The following ARID4A variants were observed in gnomAD, a reference collection of about 807,000 sequenced individuals.
ARID4A encodes the protein AT-rich interaction domain 4A.
Under a neutral mutation model 148.6 loss-of-function variants are expected in ARID4A, and 39 were observed. The ratio of observed to expected loss-of-function variants is 0.26; its 90% CI spans 0.20 to 0.34. ARID4A has a LOEUF of 0.34. Among genes scored for constraint, ARID4A ranks in the 10% least tolerant of loss-of-function variants. The probability of loss-of-function intolerance (pLI) is 1.00; values close to 1 mark genes in which losing one functional copy is unlikely to be tolerated. For synonymous variants in ARID4A, 475 were observed against 481.2 expected, an observed-to-expected ratio of 0.99 and a Z score of 0.17; for missense variants, 1,265 against 1,449.1, an observed-to-expected ratio of 0.87 and a Z score of 2.06.
At chr14:58,320,701 G>C (rs559523981) in intron 7 of ARID4A, among the ~76,000 whole-genome samples, 1 of 150,654 alleles carries the variant, frequency 6.6e-6, no homozygotes, top group Non-Finnish European at 1.5e-5. Flanking sequence ...TCCACCTCCT[G>C]GGTTCTTGCC....
At position 58,321,730 on chromosome 14, in the gene ARID4A, G is replaced by A. The variant is rs74606862; in HGVS notation, c.450-1755G>A. On this transcript the variant is annotated intron_variant, in intron 7 of 23. Coordinates refer to ENST00000355431, the MANE Select transcript of ARID4A (RefSeq NM_002892.4). ...AACCAGAAAATAATAAAAGACCTCC[G>A]AGGACCCTAAATGGAAATCCCAACT... Among the ~76,000 whole-genome samples, 307 of 151,926 alleles carry A rather than the reference G, an allele frequency of 2.0e-3. 11 individuals carry two copies. The East Asian group carries it at 0.055, about 27-fold the overall frequency.
intron 7 of ARID4A, among the ~76,000 whole-genome samples, chr14:58,319,703 T>G (rs1357722816): frequency 6.7e-6 from 1 of 149,944 alleles, no homozygotes; most frequent in Non-Finnish European, 1.5e-5. Flanking sequence ...CCATCACGCC[T>G]GGCTAGTTTT....
At chr14:58,331,753 A>G (rs1395078271) in intron 11 of ARID4A, among the ~76,000 whole-genome samples, 1 of 152,204 alleles carries the variant, frequency 6.6e-6, no homozygotes, top group Non-Finnish European at 1.5e-5. Context: ...GGCAAAATTC[A>G]GGATTTAAAG....
At chr14:58,338,964 C>CTTT (rs35408179) in intron 11 of ARID4A, among the ~76,000 whole-genome samples, 4 of 83,846 alleles carry the variant, frequency 4.8e-5, no homozygotes, top group African/African-American at 9.8e-5. Flanking sequence ...ATTATTAAAA[C>CTTT]TTTTTTTTTT....
At chr14:58,310,610 A>G (rs911767188) in intron 5 of ARID4A, among the ~76,000 whole-genome samples, 1 of 152,164 alleles carries the variant, frequency 6.6e-6, no homozygotes, top group Non-Finnish European at 1.5e-5. Flanking sequence ...TCGATATACA[A>G]AAACTAACTG....
At chr14:58,339,243 C>T (rs2033989286) in intron 11 of ARID4A, among the ~76,000 whole-genome samples, 1 of 151,920 alleles carries the variant, frequency 6.6e-6, no homozygotes, top group Non-Finnish European at 1.5e-5. Flanking sequence ...TCCCAAAGTG[C>T]TAGGATTACA....
chr14:58,366,288 A>C (rs1254765329), intron 22 of ARID4A, 58 bp downstream of exon 22: 4 of 1,279,262 alleles, frequency 3.1e-6, no homozygotes, highest in Non-Finnish European at 4.5e-6. Flanking sequence ...TAGATCTTAA[A>C]ATATCAACTT....
chr14:58,346,517 A>G lies in ARID4A; in HGVS notation c.1074+12A>G, dbSNP rs2034370435. Reference sequence around the variant, plus strand: ...GTGGATGTGACAATGTAAGTATAACATTGCTTTTTGAAACATGTATTGATG... The same window carrying G: ...GTGGATGTGACAATGTAAGTATAACGTTGCTTTTTGAAACATGTATTGATG... On this transcript the variant is annotated intron_variant, in intron 13 of 23. Transcript: ENST00000355431. 6 of 1,572,292 alleles carry G rather than the reference A, an allele frequency of 3.8e-6. No individual in the cohort carries two copies. The South Asian group carries it at 6.8e-5, about 18-fold the overall frequency.
chr14:58,329,628 A>G (rs1366271793), intron 10 of ARID4A, 24 bp downstream of exon 10: 2 of 1,532,634 alleles, frequency 1.3e-6, no homozygotes, highest in South Asian at 1.1e-5. Flanking sequence ...GAATTACCCT[A>G]TTATTTTATG....
At chr14:58,346,580 A>G (rs1210640625) in intron 13 of ARID4A, 75 bp downstream of exon 13, 3 of 891,906 alleles carry the variant, frequency 3.4e-6, no homozygotes, top group African/African-American at 3.4e-5. Context: ...GCATTATTAT[A>G]TGCACATTGG....
Position 58,334,839 on chromosome 14 carries a change from T to C in ARID4A, c.906+4670T>C, listed in dbSNP as rs79349079. Among the ~76,000 whole-genome samples, 274 of 152,282 alleles carry C rather than the reference T, an allele frequency of 1.8e-3. 8 individuals are homozygous for C. In the East Asian group the frequency reaches 0.049, roughly 27 times the overall value. ...TTCAGTTATATCCTTCTCATCAGCT[T>C]TTTAAAACATGCTTACATCTCTCCC... On this transcript the variant is annotated intron_variant, in intron 11 of 23. Coordinates refer to ENST00000355431, the MANE Select transcript of ARID4A (RefSeq NM_002892.4).
intron 7 of ARID4A, among the ~76,000 whole-genome samples, chr14:58,319,933 T>G (rs1188476760): frequency 6.7e-6 from 1 of 150,146 alleles, no homozygotes; most frequent in African/African-American, 2.4e-5. Flanking sequence ...ATATATATAC[T>G]AATTTTTTTC....
intron 11 of ARID4A, among the ~76,000 whole-genome samples, chr14:58,342,256 T>C (rs2034150404): frequency 6.6e-6 from 1 of 152,222 alleles, no homozygotes; most frequent in Non-Finnish European, 1.5e-5. Context: ...GTTTTATTTA[T>C]TTTTGGTGGA....
At chr14:58,322,015 GACT>G (rs1162973965) in intron 7 of ARID4A, among the ~76,000 whole-genome samples, 3 of 151,852 alleles carry the variant, frequency 2.0e-5, no homozygotes, top group Admixed American at 2.0e-4. Flanking sequence ...CTGTCACCCA[GACT>G]GTAGTGTAGT....
intron 7 of ARID4A, among the ~76,000 whole-genome samples, chr14:58,322,948 G>A (rs1434660948): frequency 9.0e-6 from 1 of 111,356 alleles, no homozygotes; most frequent in East Asian, 2.4e-4. Context: ...GGGTGACAAA[G>A]CGAGACTCCA....
At chr14:58,350,925 AG>A in intron 15 of ARID4A, 147 bp from the exon 16 acceptor site, 1 of 615,320 alleles carries the variant, frequency 1.6e-6, no homozygotes, top group Non-Finnish European at 2.6e-6. Context: ...TACTTTCAAA[AG>A]GAAGAGAAAG....
At chr14:58,313,668 C>G (rs2032208261) in intron 5 of ARID4A, among the ~76,000 whole-genome samples, 1 of 152,128 alleles carries the variant, frequency 6.6e-6, no homozygotes, top group Non-Finnish European at 1.5e-5. Flanking sequence ...TAGGCTCTAT[C>G]CAAGTCAGAA....
chr14:58,369,237 A>G (rs2035494096), intron 23 of ARID4A, among the ~76,000 whole-genome samples: 1 of 152,202 alleles, frequency 6.6e-6, no homozygotes, highest in African/African-American at 2.4e-5. Flanking sequence ...CTAGAACTGA[A>G]GGATATGAGT....
At chr14:58,329,237 ACAT>A (rs920111308) in intron 9 of ARID4A, among the ~76,000 whole-genome samples, 4 of 152,178 alleles carry the variant, frequency 2.6e-5, no homozygotes, top group Non-Finnish European at 5.9e-5. Context: ...AGTGTTGAAA[ACAT>A]CATGCTGATA....
Sources: allele counts gnomAD v4.1 joint callset (sites outside exome capture counted in the v4.1 genomes callset), GRCh38; gene constraint gnomAD v4.1.1; transcripts MANE v1.5; gene names NCBI Gene and HGNC (gene_info 2026-07-23, HGNC 2026-07-21).